The following FMO1 variants were observed in gnomAD, a reference collection of about 807,000 sequenced individuals.
FMO1 encodes the protein flavin containing dimethylaniline monoxygenase 1, also known as flavin-containing monooxygenase 1.
FMO1 carries 36 observed loss-of-function variants against 45.4 expected under a neutral mutation model. That is an observed-to-expected ratio of 0.79 (90% CI 0.61 to 1.05). The LOEUF (loss-of-function observed/expected upper bound fraction) is 1.05. FMO1 is among the 50% of genes least tolerant of loss of function. The probability of loss-of-function intolerance (pLI) is 0.00; values close to 1 mark genes in which losing one functional copy is unlikely to be tolerated. For missense variants in FMO1, 615 were observed against 640.3 expected, an observed-to-expected ratio of 0.96 and a Z score of 0.43; for synonymous variants, 228 against 227.2, an observed-to-expected ratio of 1.00 and a Z score of -0.03.
chr1:171,258,946 C>A (rs1660278022), intron 2 of FMO1, among the ~76,000 whole-genome samples: 1 of 152,188 alleles, frequency 6.6e-6, no homozygotes. Context: ...CATTGAAACC[C>A]TGAAGCCAGG....
intron 3 of FMO1, among the ~76,000 whole-genome samples, chr1:171,269,130 C>G (rs372078268): frequency 3.3e-5 from 5 of 152,260 alleles, no homozygotes; most frequent in African/African-American, 1.2e-4. Context: ...ATTGCCAGGT[C>G]TCTGGTATGT....
chr1:171,284,755 A>T (rs1390383946), intron 8 of FMO1, among the ~76,000 whole-genome samples: 2 of 151,554 alleles, frequency 1.3e-5, no homozygotes, highest in African/African-American at 4.8e-5. Context: ...AAAAAAGAAA[A>T]AAAGAAAAGG....
At chr1:171,257,985 C>G in intron 1 of FMO1, 97 bp from the exon 2 acceptor site, 1 of 1,390,044 alleles carries the variant, frequency 7.2e-7, no homozygotes, top group Non-Finnish European at 1.0e-6. Context: ...CTGAGCAAAT[C>G]GCCTAATCTT....
chr1:171,283,125 T>G lies in FMO1; in HGVS notation c.1184-19T>G, dbSNP rs1270198130. 1.4e-6 allele frequency: 2 copies of G among 1,393,732 alleles called. No individual in the cohort carries two copies. The highest frequency in any genetic ancestry group is 2.0e-6 in the Non-Finnish European group (2 of 991,646). The allele number at this position is 1,393,732 out of a possible 1,614,324, so 86.3% of individuals were successfully genotyped here. On this transcript the variant is annotated intron_variant, in intron 7 of 8. Transcript: ENST00000617670. Reference sequence around the variant, plus strand: ...CCTAAACTTAAGTTGCATTTGAGGTTTTTATTTTAATCCTACAGGTGTAAA... The same window carrying G: ...CCTAAACTTAAGTTGCATTTGAGGTGTTTATTTTAATCCTACAGGTGTAAA...
intron 3 of FMO1, among the ~76,000 whole-genome samples, chr1:171,269,585 C>A (rs556678011): frequency 4.5e-4 from 68 of 152,128 alleles, no homozygotes; most frequent in Non-Finnish European, 9.0e-4. Flanking sequence ...AAACAGCACT[C>A]CATCACAAAA....
chr1:171,282,850 A>C (rs529645428), intron 7 of FMO1: 1 of 327,772 alleles, frequency 3.1e-6, no homozygotes, highest in South Asian at 5.6e-5. Context: ...AACTGGCTCA[A>C]TTAAAATTTT....
rs780220392 is a variant in FMO1 at position 171,267,537 on chromosome 1, G to T, written c.133-6G>T. ...GAATGTTCATGTGTGTGCACTGTTT[G>T]TACAGGAACATGTTGAAGAAGGCAG... is the stretch of plus-strand genomic sequence containing the variant. On this transcript the variant is annotated splice_polypyrimidine_tract_variant and splice_region_variant and intron_variant, in intron 2 of 8. Coordinates refer to ENST00000617670, the MANE Select transcript of FMO1 (RefSeq NM_001282693.2). 1.3e-6 allele frequency: 2 copies of T among 1,590,444 alleles called. No individual in the cohort carries two copies. The highest frequency in any genetic ancestry group is 8.5e-7 in the Non-Finnish European group (1 of 1,169,780).
At chr1:171,259,616 C>T (rs569399418) in intron 2 of FMO1, among the ~76,000 whole-genome samples, 35 of 152,274 alleles carry the variant, frequency 2.3e-4, no homozygotes, top group African/African-American at 7.9e-4. Context: ...CTAAATTAGC[C>T]GAGTTATTTG....
At chr1:171,265,615 G>A (rs1311047534) in intron 2 of FMO1, among the ~76,000 whole-genome samples, 2 of 152,122 alleles carry the variant, frequency 1.3e-5, no homozygotes, top group African/African-American at 4.8e-5. Flanking sequence ...TTGACACAGA[G>A]AGTCATCATT....
At chr1:171,256,713 T>C (rs1374160798) in intron 1 of FMO1, among the ~76,000 whole-genome samples, 3 of 152,158 alleles carry the variant, frequency 2.0e-5, no homozygotes, top group African/African-American at 7.2e-5. Flanking sequence ...ATATTGAATA[T>C]TTTAGTCTCT....
intron 1 of FMO1, among the ~76,000 whole-genome samples, chr1:171,250,668 C>T (rs1428276658): frequency 2.0e-5 from 3 of 152,128 alleles, no homozygotes; most frequent in East Asian, 1.9e-4. Flanking sequence ...CAACCAATAG[C>T]GATTTCCCAA....
chr1:171,285,581 A>G lies in FMO1; in HGVS notation c.*37A>G. The G allele has an allele frequency of 8.1e-7, 1 of 1,227,744 alleles. No individual in the cohort carries two copies. 76.1% of individuals were successfully genotyped at this position (1,227,744 alleles called of 1,614,324 possible). ...CCTAAATGGAAGATGCACAGAGTAG[A>G]TTTACAATGCTCCAATTCCTCTCTT... On this transcript the variant is annotated 3_prime_UTR_variant, in exon 9 of 9. Transcript: ENST00000617670.
chr1:171,281,994 T>C lies in FMO1; in HGVS notation c.844T>C (p.Phe282Leu), dbSNP rs1158927755. 1 of 1,605,302 alleles carries C rather than the reference T, an allele frequency of 6.2e-7. No individual in the cohort carries two copies. Among genetic ancestry groups the C allele is most frequent in the South Asian group, 1.1e-5 (1 of 90,250 alleles). ...IPEDRTQLKE[F>L]VLNDELPGRI... is the part of the protein sequence containing the mutation. ...TTTGTTTAGGACTCAGCTGAAAGAG[T>C]TTGTGCTAAATGATGAGCTCCCAGG... Residue 282 changes from phenylalanine (F) to leucine (L), a missense_variant, in exon 7 of 9, where the codon TTT becomes CTT. Transcript: ENST00000617670.
chr1:171,262,803 C>T (rs947797116), intron 2 of FMO1, among the ~76,000 whole-genome samples: 4 of 152,136 alleles, frequency 2.6e-5, no homozygotes, highest in African/African-American at 9.7e-5. Flanking sequence ...CTTGGAGGTT[C>T]CCCAAATTTC....
intron 2 of FMO1, among the ~76,000 whole-genome samples, chr1:171,264,521 A>G (rs970507820): frequency 3.4e-4 from 51 of 152,090 alleles, no homozygotes; most frequent in Middle Eastern, 3.4e-3. Context: ...TATACATCCT[A>G]TTGGGCATCC....
intron 3 of FMO1, 31 bp from the exon 4 acceptor site, chr1:171,275,315 C>CT: frequency 6.2e-7 from 1 of 1,600,474 alleles, no homozygotes; most frequent in Non-Finnish European, 8.6e-7. Flanking sequence ...ACATTGACAA[C>CT]TGCTAATCAT....
Position 171,249,620 on chromosome 1 carries a change from T to A in FMO1, c.-7+997T>A, listed in dbSNP as rs142037580. Among the ~76,000 whole-genome samples the A allele has an allele frequency of 1.6e-3, 246 of 152,232 alleles. 1 individual carries two copies. The highest frequency in any genetic ancestry group is 3.0e-3 in the Admixed American group (46 of 15,280). The stretch of plus-strand genomic sequence containing the variant: ...TGAAATGTCACAACCCACTTGAGGA[T>A]AGGGTATCATTGTGCAGTCTGTGCC... On this transcript the variant is annotated intron_variant, in intron 1 of 8. Coordinates refer to ENST00000617670, the MANE Select transcript of FMO1 (RefSeq NM_001282693.2).
At chr1:171,266,676 G>A (rs1660630479) in intron 2 of FMO1, among the ~76,000 whole-genome samples, 1 of 152,118 alleles carries the variant, frequency 6.6e-6, no homozygotes, top group African/African-American at 2.4e-5. Flanking sequence ...TGAGATTTAT[G>A]TTCATGTTTC....
intron 7 of FMO1, 68 bp downstream of exon 7, chr1:171,282,401 G>A: frequency 1.0e-6 from 1 of 997,062 alleles, no homozygotes; most frequent in East Asian, 2.4e-5. Context: ...TGGAAATGTT[G>A]AGACTATTAT....
Sources: gnomAD v4.1 joint callset for allele counts (sites outside exome capture counted in the v4.1 genomes callset) on GRCh38, gnomAD v4.1.1 for gene constraint, MANE v1.5 for transcripts, NCBI Gene and HGNC (gene_info 2026-07-23, HGNC 2026-07-21) for gene names.